Variants in VRK3 observed in about 807,000 individuals in gnomAD.
VRK3 encodes the protein serine/threonine-protein kinase VRK3.
Under a neutral mutation model 60.4 loss-of-function variants are expected in VRK3, and 50 were observed. That is an observed-to-expected ratio of 0.83 (90% CI 0.66 to 1.05). VRK3 has a LOEUF of 1.05. Ranked by LOEUF, VRK3 falls within the 50% of genes least tolerant of loss-of-function variation. The probability of loss-of-function intolerance (pLI) is 0.00; values close to 1 mark genes in which losing one functional copy is unlikely to be tolerated. For synonymous variants in VRK3, 246 were observed against 227.8 expected (o/e 1.08, Z -0.72); for missense variants, 549 against 585.3 (o/e 0.94, Z 0.64).
At chr19:50,001,020 T>G (rs543372025) in intron 5 of VRK3, 166 bp from the exon 6 acceptor site, 68 of 613,404 alleles carry the variant, frequency 1.1e-4, no homozygotes, top group Admixed American at 1.8e-4. Flanking sequence ...TAAATAAGCT[T>G]CTTCTTCCTC....
intron 9 of VRK3, among the ~76,000 whole-genome samples, chr19:49,993,438 G>A (rs980110168): frequency 6.6e-5 from 10 of 152,090 alleles, no homozygotes; most frequent in Non-Finnish European, 1.2e-4. Context: ...TACTCCTGTT[G>A]CCCAGGCTGG....
At chr19:49,988,315 C>G in intron 12 of VRK3, 57 bp downstream of exon 12, 2 of 1,548,798 alleles carry the variant, frequency 1.3e-6, no homozygotes, top group Non-Finnish European at 1.7e-6. Context: ...GGGCTTCTGT[C>G]CACCTGCAGG....
intron 7 of VRK3, among the ~76,000 whole-genome samples, chr19:49,995,927 T>G (rs560837573): frequency 8.6e-5 from 13 of 152,014 alleles, no homozygotes; most frequent in Non-Finnish European, 1.6e-4. Context: ...TTTTTTTTAT[T>G]TTTTATTTTT....
At chr19:50,004,696 C>T (rs1398914896) in intron 5 of VRK3, among the ~76,000 whole-genome samples, 1 of 151,966 alleles carries the variant, frequency 6.6e-6, no homozygotes, top group Non-Finnish European at 1.5e-5. Flanking sequence ...TCGCTTGAGC[C>T]CAGGAGTTTG....
At chr19:49,989,147 G>A (rs942058554) in intron 11 of VRK3, among the ~76,000 whole-genome samples, 25 of 152,120 alleles carry the variant, frequency 1.6e-4, no homozygotes, top group African/African-American at 5.8e-4. Context: ...GCATGTGGAC[G>A]GCCATGATAT....
Position 50,025,266 on chromosome 19 carries a change from C to G in VRK3, c.-65+1G>C, listed in dbSNP as rs1048569809. 6.6e-5 allele frequency: 10 copies of G among 152,412 alleles called. No homozygotes were observed. The East Asian group carries it at 1.9e-3, about 29-fold the overall frequency. The allele number at this position is 152,412 out of a possible 1,614,324, so 9.4% of individuals were successfully genotyped here. ...CCCTCGTTCGCCTCGCTTCCCCTCA[C>G]CTCTGTACTTGGGGACTGGGGTGGG... On this transcript the variant is annotated splice_donor_variant, in intron 1 of 14. Coordinates refer to ENST00000316763, the MANE Select transcript of VRK3 (RefSeq NM_016440.4). LOFTEE classifies it low-confidence loss of function (5UTR_SPLICE).
Position 50,016,062 on chromosome 19 carries a change from G to C in VRK3, c.101C>G (p.Ser34Cys). The C allele has an allele frequency of 6.2e-7, 1 of 1,614,176 alleles. No individual in the cohort carries two copies. Among genetic ancestry groups the C allele is most frequent in the South Asian group, 1.1e-5 (1 of 91,080 alleles). The part of the protein sequence containing the change: ...NSLPVEEHVG[S>C]QTFVNPHVSS... ...CACATGTGGATTGACAAAGGTCTGGGACCCTACATGCTCCTCTACAGGCAA... is the reference window on the plus strand; with the variant it reads ...CACATGTGGATTGACAAAGGTCTGGCACCCTACATGCTCCTCTACAGGCAA... Residue 34 changes from serine to cysteine, a missense_variant, in exon 3 of 15, where the codon TCC (serine) becomes TGC (cysteine). By Grantham distance (112) the Ser-to-Cys change is moderately radical. Coordinates refer to ENST00000316763, the MANE Select transcript of VRK3 (RefSeq NM_016440.4).
chr19:49,988,319 C>T, intron 12 of VRK3, 53 bp downstream of exon 12: 1 of 1,555,416 alleles, frequency 6.4e-7, no homozygotes. Flanking sequence ...TTCTGTCCAC[C>T]TGCAGGGGTT....
intron 14 of VRK3, among the ~76,000 whole-genome samples, chr19:49,977,162 C>A (rs1369966215): frequency 2.0e-5 from 3 of 150,836 alleles, no homozygotes; most frequent in Non-Finnish European, 2.9e-5. Context: ...ATGGCAGGTG[C>A]AAAGGTTCCG....
At chr19:50,014,030 G>A (rs2077036358) in intron 3 of VRK3, among the ~76,000 whole-genome samples, 1 of 152,180 alleles carries the variant, frequency 6.6e-6, no homozygotes, top group African/African-American at 2.4e-5. Context: ...ACTTTGGGGG[G>A]CTGAGGCAGG....
intron 5 of VRK3, 113 bp downstream of exon 5, chr19:50,007,456 A>G (rs528365755): frequency 1.3e-6 from 2 of 1,490,630 alleles, no homozygotes; most frequent in Admixed American, 3.8e-5. Flanking sequence ...TTGCCTAGCG[A>G]CAGGTCTGCA....
At chr19:49,998,932 G>A (rs187713930) in intron 6 of VRK3, 1 of 109,146 alleles carries the variant, frequency 9.2e-6, no homozygotes, top group East Asian at 3.3e-4. Flanking sequence ...AACACAGGAA[G>A]ACCCCATCTC....
chr19:49,983,340 CTT>C (rs2076456382), intron 12 of VRK3, among the ~76,000 whole-genome samples: 2 of 152,250 alleles, frequency 1.3e-5, no homozygotes, highest in African/African-American at 4.8e-5. Flanking sequence ...GCTGTTCTCC[CTT>C]TGAGATACAG....
intron 5 of VRK3, among the ~76,000 whole-genome samples, chr19:50,006,596 C>T (rs543369272): frequency 8.5e-5 from 13 of 152,172 alleles, no homozygotes; most frequent in South Asian, 4.1e-4. Context: ...AGGATGGTCT[C>T]GATCTCCTGA....
rs930361335 is a variant in VRK3 at position 50,007,802 on chromosome 19, G to A, written c.314C>T (p.Pro105Leu). ...SKGSGSRPPT[P>L]KSSPQKTRKS... is the part of the protein sequence containing the mutation. ...CCTGGTCTTCTGAGGGCTGCTTTTG[G>A]GGGTTGGGGGTCTGCTCCCGGAGCC... The change falls in exon 5 of 15, where the codon CCC becomes CTC. Residue 105 changes from proline to leucine, a missense_variant. Pro to Leu is a moderately conservative substitution (Grantham distance 98). Transcript: ENST00000316763. 6.2e-7 allele frequency: 1 copy of A among 1,614,080 alleles called. No individual in the cohort carries two copies. Among genetic ancestry groups the A allele is most frequent in the Non-Finnish European group, 8.5e-7 (1 of 1,180,048 alleles).
At chr19:50,001,511 C>A (rs151249615) in intron 5 of VRK3, 1 of 150,230 alleles carries the variant, frequency 6.7e-6, no homozygotes, top group African/African-American at 2.5e-5. Context: ...CCTGCAGGGT[C>A]GGCTGAGGCC....
At chr19:50,002,126 G>A (rs529634471) in intron 5 of VRK3, among the ~76,000 whole-genome samples, 95 of 152,208 alleles carry the variant, frequency 6.2e-4, no homozygotes, top group Non-Finnish European at 1.3e-3. Context: ...AGCTCTTGTC[G>A]CCCGCACACC....
chr19:50,006,794 A>C lies in VRK3; in HGVS notation c.547+775T>G, dbSNP rs548905310. Among the ~76,000 whole-genome samples the C allele has an allele frequency of 2.0e-5, 3 of 152,366 alleles. No homozygotes were observed. In the South Asian group the frequency reaches 6.2e-4, roughly 32 times the overall value. On this transcript the variant is annotated intron_variant, in intron 5 of 14. Transcript: ENST00000316763. The stretch of plus-strand genomic sequence containing the variant: ...CAGGCCTGGCCTTGCAGAAGCACTC[A>C]ATATTTATTACAGTTAATACTAATA...
At chr19:49,985,460 T>C (rs76155410) in intron 12 of VRK3, among the ~76,000 whole-genome samples, 2 of 152,208 alleles carry the variant, frequency 1.3e-5, no homozygotes, top group Non-Finnish European at 2.9e-5. Flanking sequence ...AACTGTGTCA[T>C]CCTTCTTGCC....
Sources: gnomAD v4.1 joint callset for allele counts (sites outside exome capture counted in the v4.1 genomes callset) on GRCh38, gnomAD v4.1.1 for gene constraint, MANE v1.5 for transcripts, NCBI Gene and HGNC (gene_info 2026-07-23, HGNC 2026-07-21) for gene names.